Variants in ATOSB observed in about 807,000 individuals in gnomAD.
ATOSB encodes atos homolog protein B.
chr9:35,107,563 A>G, the ATOSB span: 1 of 1,593,592 alleles, frequency 6.3e-7, no homozygotes, highest in Non-Finnish European at 8.5e-7. Context: ...TTGGTGGGGC[A>G]GGGGCCTGGG....
At chr9:35,115,219 T>C in the ATOSB span, among the ~76,000 whole-genome samples, 24 of 152,014 alleles carry the variant, frequency 1.6e-4, 1 homozygote, top group East Asian at 1.2e-3. Flanking sequence ...ACACAAGCCC[T>C]AGTGACAAGC....
the ATOSB span, chr9:35,108,514 C>T: frequency 1.6e-6 from 2 of 1,240,958 alleles, no homozygotes; most frequent in African/African-American, 1.6e-5. Flanking sequence ...AGAGACCACT[C>T]TCAGAACTCC....
the ATOSB span, chr9:35,105,487 T>C: frequency 1.5e-6 from 2 of 1,327,406 alleles, no homozygotes; most frequent in Non-Finnish European, 2.1e-6. The surrounding 1 kb of genome is among the most constrained non-coding windows in gnomAD (Gnocchi z 5.5). Context: ...AGCCCAGGAG[T>C]TGGAGACCAG....
the ATOSB span, chr9:35,108,790 C>G: frequency 1.7e-6 from 1 of 589,810 alleles, no homozygotes; most frequent in Non-Finnish European, 2.1e-6. Flanking sequence ...AGCGGTAAGG[C>G]CTGTCACCAA....
At chr9:35,106,195 G>A in the ATOSB span, 32 of 1,604,438 alleles carry the variant, frequency 2.0e-5, no homozygotes, top group Middle Eastern at 2.0e-4. The surrounding 1 kb of genome is among the most constrained non-coding windows in gnomAD (Gnocchi z 4.6). Context: ...CCCTGGCCCC[G>A]CCCCCAAATC....
chr9:35,107,344 G>GAA, the ATOSB span: 5 of 1,217,644 alleles, frequency 4.1e-6, no homozygotes, highest in South Asian at 1.6e-5. Context: ...AAAAAAAAAA[G>GAA]TAAAAAAAGA....
the ATOSB span, chr9:35,109,842 A>G: frequency 6.6e-6 from 1 of 152,376 alleles, no homozygotes; most frequent in Non-Finnish European, 1.5e-5. Flanking sequence ...TAGACCGACC[A>G]TAGAGTTCCT....
chr9:35,107,840 G>C, the ATOSB span: 14 of 1,597,336 alleles, frequency 8.8e-6, no homozygotes, highest in Non-Finnish European at 1.2e-5. Flanking sequence ...TTGATGGGGG[G>C]CAGGGGGGAC....
the ATOSB span, chr9:35,111,374 C>T: frequency 1.2e-5 from 2 of 160,602 alleles, no homozygotes; most frequent in Admixed American, 6.4e-5. Flanking sequence ...TGCCACGGGC[C>T]CCCAACCCAG....
chr9:35,114,094 G>A, the ATOSB span, among the ~76,000 whole-genome samples: 1 of 152,192 alleles, frequency 6.6e-6, no homozygotes, highest in Non-Finnish European at 1.5e-5. Context: ...CTCCATATCA[G>A]AGGATAGCTC....
At chr9:35,109,315 A>C in the ATOSB span, 4 of 152,418 alleles carry the variant, frequency 2.6e-5, no homozygotes, top group African/African-American at 9.7e-5. Flanking sequence ...GAGGCAACAA[A>C]TCCGACCAAA....
chr9:35,105,677 C>T, the ATOSB span: 2 of 1,613,390 alleles, frequency 1.2e-6, no homozygotes, highest in Non-Finnish European at 1.7e-6. The surrounding 1 kb of genome is among the most constrained non-coding windows in gnomAD (Gnocchi z 5.5). Context: ...GGGCCCTCTC[C>T]TCACCTGAGG....
the ATOSB span, among the ~76,000 whole-genome samples, chr9:35,114,480 T>A: frequency 1.3e-5 from 2 of 151,782 alleles, no homozygotes; most frequent in African/African-American, 4.8e-5. Flanking sequence ...TTAGCCACTG[T>A]GTGGAACTCA....
the ATOSB span, among the ~76,000 whole-genome samples, chr9:35,113,241 AC>A: frequency 6.6e-6 from 1 of 152,200 alleles, no homozygotes; most frequent in Non-Finnish European, 1.5e-5. Flanking sequence ...GGCCTTGGTT[AC>A]CTACAAAGGT....
At chr9:35,105,684 G>A in the ATOSB span, 3 of 1,613,572 alleles carry the variant, frequency 1.9e-6, no homozygotes, top group South Asian at 2.2e-5. The surrounding 1 kb of genome is among the most constrained non-coding windows in gnomAD (Gnocchi z 5.5). Flanking sequence ...CTCCTCACCT[G>A]AGGTGCAGCA....
At chr9:35,108,426 C>T in the ATOSB span, 1 of 1,401,734 alleles carries the variant, frequency 7.1e-7, no homozygotes, top group Non-Finnish European at 9.2e-7. Flanking sequence ...TTCAGACCCT[C>T]TCCTTGCCTA....
the ATOSB span, chr9:35,109,672 C>T: frequency 6.6e-6 from 1 of 152,246 alleles, no homozygotes; most frequent in Non-Finnish European, 1.5e-5. Flanking sequence ...AAGACTTTTC[C>T]TCCTTGGATA....
the ATOSB span, among the ~76,000 whole-genome samples, chr9:35,113,428 A>G: frequency 0.61 from 91,981 of 151,918 alleles, 28,895 homozygotes; most frequent in Admixed American, 0.66. Context: ...GTTCGAGACC[A>G]GCCTGACTAA....
At chr9:35,105,277 C>T in the ATOSB span, 207 of 1,613,970 alleles carry the variant, frequency 1.3e-4, no homozygotes, top group Non-Finnish European at 1.7e-4. The surrounding 1 kb of genome is among the most constrained non-coding windows in gnomAD (Gnocchi z 5.5). Flanking sequence ...GCCTGCAGTT[C>T]GTAGGGGAGC....
Sources: gnomAD v4.1 joint callset for allele counts (sites outside exome capture counted in the v4.1 genomes callset) on GRCh38, gnomAD v4.1.1 for gene constraint, Gnocchi (gnomAD v3.1) non-coding constraint, MANE v1.5 for transcripts, NCBI Gene and HGNC (gene_info 2026-07-23, HGNC 2026-07-21) for gene names.